The following HAUS2 variants were observed in gnomAD, a reference collection of about 807,000 sequenced individuals.
HAUS2 encodes the protein HAUS augmin-like complex subunit 2.
Under a neutral mutation model 21.6 loss-of-function variants are expected in HAUS2, and 20 were observed. The ratio of observed to expected loss-of-function variants is 0.93; its 90% confidence interval spans 0.65 to 1.35. The LOEUF (loss-of-function observed/expected upper bound fraction) is 1.35. Among genes scored for constraint, HAUS2 ranks in the 40% most tolerant of loss-of-function variants. The pLI, the probability that HAUS2 is intolerant of heterozygous loss-of-function variation, is 0.00. For synonymous variants in HAUS2, 113 were observed against 95.6 expected (o/e 1.18, Z -1.06); for missense variants, 297 against 280.7 (o/e 1.06, Z -0.42).
At position 42,561,390 on chromosome 15, in the gene HAUS2, C is replaced by T; in HGVS notation, c.377C>T (p.Ala126Val). ...TGCCAGGAAAACTTACCTATTGAAG[C>T]TGTTTATCACAGGTTAGACTGAAAA... ...PMCQENLPIEAVYHRYMVHLL... is the reference protein window; with the variant it reads ...PMCQENLPIEVVYHRYMVHLL... Residue 126 changes from alanine to valine, a missense_variant, in exon 4 of 6, where the codon GCT becomes GTT. Physicochemically the swap from Ala to Val is moderately conservative, Grantham distance 64 (BLOSUM62 0). Transcript: ENST00000260372. 3 of 1,604,414 alleles carry T rather than the reference C, an allele frequency of 1.9e-6. No individual in the cohort carries two copies. The highest frequency in any genetic ancestry group is 2.6e-6 in the Non-Finnish European group (3 of 1,171,482).
rs528928495 is a variant in HAUS2 at position 42,569,779 on chromosome 15, A to G, written c.*2963A>G. The G allele has an allele frequency of 1.3e-5, 2 of 152,344 alleles. No individual in the cohort carries two copies. The highest frequency in any genetic ancestry group is 1.9e-4 in the East Asian group (1 of 5,194). The allele number at this position is 152,344 out of a possible 1,614,324, so 9.4% of individuals were successfully genotyped here. ...GTGATCGTAATATCTCGAACATTAC[A>G]TAGACACTTAAAACCTTTAGTTGTA... On this transcript the variant is annotated 3_prime_UTR_variant, in exon 6 of 6. Transcript: ENST00000260372.
rs376981866 is a variant in HAUS2 at position 42,551,240 on chromosome 15, G to A, written c.93+2275G>A. ...TGATCTCAGGTGATCTGCCTGTCTCGGCCTCCCAAAGTACTGGGAGCTGAA... is the reference window on the plus strand; with the variant it reads ...TGATCTCAGGTGATCTGCCTGTCTCAGCCTCCCAAAGTACTGGGAGCTGAA... On this transcript the variant is annotated intron_variant, in intron 1 of 5. Coordinates refer to ENST00000260372, the MANE Select transcript of HAUS2 (RefSeq NM_018097.3). 7.9e-4 allele frequency among the ~76,000 whole-genome samples: 120 copies of A among 151,100 alleles called. 3 individuals carry two copies. In the South Asian group the frequency reaches 0.022, roughly 28 times the overall value.
At chr15:42,555,652 T>C (rs1422378648) in intron 1 of HAUS2, among the ~76,000 whole-genome samples, 1 of 152,218 alleles carries the variant, frequency 6.6e-6, no homozygotes, top group African/African-American at 2.4e-5. Context: ...CTATCTAGAA[T>C]ACCTTTTTCT....
intron 1 of HAUS2, among the ~76,000 whole-genome samples, chr15:42,553,280 A>G (rs777555906): frequency 2.0e-5 from 3 of 151,982 alleles, no homozygotes; most frequent in African/African-American, 4.8e-5. Flanking sequence ...TTTTTATATT[A>G]AGTATAAAGG....
chr15:42,561,346 A>G lies in HAUS2; in HGVS notation c.333A>G (p.Gln111=), dbSNP rs2057851997. 1.9e-6 allele frequency: 3 copies of G among 1,589,864 alleles called. No individual in the cohort carries two copies. Among genetic ancestry groups the G allele is most frequent in the Non-Finnish European group, 2.6e-6 (3 of 1,158,084 alleles). ...TGAAAGAGAAGAGATCCCTTAGGCA[A>G]AGACTGTTGAAACCCATGTGCCAGG... ...AVLKEKRSLR[Q]RLLKPMCQEN... The change falls in exon 4 of 6, where the codon CAA becomes CAG. Residue 111 remains glutamine (Q), a synonymous_variant. Coordinates refer to ENST00000260372, the MANE Select transcript of HAUS2 (RefSeq NM_018097.3).
At chr15:42,550,116 T>C (rs1360126317) in intron 1 of HAUS2, among the ~76,000 whole-genome samples, 1 of 152,068 alleles carries the variant, frequency 6.6e-6, no homozygotes, top group African/African-American at 2.4e-5. Context: ...TCAGCACATA[T>C]TAGCCGGCAT....
chr15:42,552,906 G>C (rs1264217461), intron 1 of HAUS2, among the ~76,000 whole-genome samples: 1 of 151,992 alleles, frequency 6.6e-6, no homozygotes, highest in Non-Finnish European at 1.5e-5. Context: ...GTATGAAAAG[G>C]AAGGGATAGG....
At chr15:42,565,753 G>T (rs1046094815) in intron 5 of HAUS2, among the ~76,000 whole-genome samples, 5 of 152,160 alleles carry the variant, frequency 3.3e-5, no homozygotes, top group Admixed American at 2.6e-4. Flanking sequence ...TCAGATAAAA[G>T]ATTTAAAGCA....
chr15:42,554,631 C>T (rs747720696), intron 1 of HAUS2, among the ~76,000 whole-genome samples: 1 of 150,786 alleles, frequency 6.6e-6, no homozygotes, highest in Admixed American at 6.6e-5. Context: ...GCTGGGATTA[C>T]AGGCATATGT....
In HAUS2 at chr15:42,569,650, A is replaced by G. The variant is rs2057941654; in HGVS notation, c.*2834A>G. The G allele has an allele frequency of 6.6e-6, 1 of 152,196 alleles. No homozygotes were observed. The highest frequency in any genetic ancestry group is 1.5e-5 in the Non-Finnish European group (1 of 68,044). The allele number at this position is 152,196 out of a possible 1,614,324, so 9.4% of individuals were successfully genotyped here. A position where few individuals can be genotyped will look rare whatever the true frequency, so the allele number is the denominator to read the frequency against. ...CAAGAAGACTTCAACAATGATAAGT[A>G]GTTGTTTATAAGGAAGCAGGATCAT... On this transcript the variant is annotated 3_prime_UTR_variant, in exon 6 of 6. Transcript: ENST00000260372.
intron 1 of HAUS2, 131 bp downstream of exon 1, chr15:42,549,096 C>G: frequency 1.7e-6 from 1 of 591,684 alleles, no homozygotes; most frequent in Non-Finnish European, 3.0e-6. Context: ...AATAAGAGCC[C>G]CTTCCAGGCA....
chr15:42,561,381 C>A lies in HAUS2; in HGVS notation c.368C>A (p.Pro123His). 1 of 1,604,634 alleles carries A rather than the reference C, an allele frequency of 6.2e-7. No homozygotes were observed. Among genetic ancestry groups the A allele is most frequent in the Non-Finnish European group, 8.5e-7 (1 of 1,171,604 alleles). The part of the protein sequence containing the change: ...LLKPMCQENL[P>H]IEAVYHRYMV... Reference sequence around the variant, plus strand: ...AAACCCATGTGCCAGGAAAACTTACCTATTGAAGCTGTTTATCACAGGTTA... The same window carrying A: ...AAACCCATGTGCCAGGAAAACTTACATATTGAAGCTGTTTATCACAGGTTA... The change falls in exon 4 of 6, where the codon CCT (proline) becomes CAT (histidine). Residue 123 changes from proline (P) to histidine (H), a missense_variant. Pro to His is a moderately conservative substitution (Grantham distance 77). Transcript: ENST00000260372.
intron 1 of HAUS2, among the ~76,000 whole-genome samples, chr15:42,549,325 G>T (rs1284581239): frequency 6.6e-6 from 1 of 152,100 alleles, no homozygotes; most frequent in Admixed American, 6.6e-5. Flanking sequence ...GTCCCCTTGC[G>T]GAACAAGCAT....
At chr15:42,555,091 G>A (rs957305608) in intron 1 of HAUS2, among the ~76,000 whole-genome samples, 4 of 151,708 alleles carry the variant, frequency 2.6e-5, no homozygotes, top group African/African-American at 9.7e-5. Context: ...CTGGGTTCAA[G>A]CGATTCTCCT....
Position 42,566,931 on chromosome 15 carries a change from A to G in HAUS2, c.*115A>G, listed in dbSNP as rs2057912884. 2 of 595,540 alleles carry G rather than the reference A, an allele frequency of 3.4e-6. No homozygotes were observed. The highest frequency in any genetic ancestry group is 3.0e-6 in the Non-Finnish European group (1 of 335,728). 36.9% of individuals were successfully genotyped at this position (595,540 alleles called of 1,614,324 possible). A position where few individuals can be genotyped will look rare whatever the true frequency, so the allele number is the denominator to read the frequency against. On this transcript the variant is annotated 3_prime_UTR_variant, in exon 6 of 6. Coordinates refer to ENST00000260372, the MANE Select transcript of HAUS2 (RefSeq NM_018097.3). ...TGGTAATACTGAAAGAACCTGCTTT[A>G]TATTGGAGTATCAAGATCTCAGGTT...
intron 1 of HAUS2, among the ~76,000 whole-genome samples, chr15:42,552,265 C>G (rs960024303): frequency 1.3e-5 from 2 of 152,118 alleles, no homozygotes; most frequent in African/African-American, 2.4e-5. Context: ...CTCAAATGAT[C>G]CACCCGCCTC....
Position 42,569,747 on chromosome 15 carries a change from G to A in HAUS2, c.*2931G>A, listed in dbSNP as rs893985027. 6.6e-6 allele frequency: 1 copy of A among 152,162 alleles called. No individual in the cohort carries two copies. Among genetic ancestry groups the A allele is most frequent in the Non-Finnish European group, 1.5e-5 (1 of 68,034 alleles). The allele number at this position is 152,162 out of a possible 1,614,324, so 9.4% of individuals were successfully genotyped here. On this transcript the variant is annotated 3_prime_UTR_variant, in exon 6 of 6. Transcript: ENST00000260372. ...CTAGTTTGCTAATTTTTGCTAGTAG[G>A]ATAAGAGTGATCGTAATATCTCGAA...
Position 42,569,558 on chromosome 15 carries a change from C to T in HAUS2, c.*2742C>T, listed in dbSNP as rs1235047339. The T allele has an allele frequency of 4.6e-5, 7 of 152,216 alleles. No homozygotes were observed. Among genetic ancestry groups the T allele is most frequent in the Admixed American group, 4.6e-4 (7 of 15,262 alleles). The allele number at this position is 152,216 out of a possible 1,614,324, so 9.4% of individuals were successfully genotyped here. ...CTGGGTTCAAACGACCCTCCCGCCT[C>T]AGCCTCCGAAAGTGCTGGGAGTACA... On this transcript the variant is annotated 3_prime_UTR_variant, in exon 6 of 6. Coordinates refer to ENST00000260372, the MANE Select transcript of HAUS2 (RefSeq NM_018097.3).
intron 1 of HAUS2, among the ~76,000 whole-genome samples, chr15:42,552,224 A>G (rs2057732717): frequency 1.3e-5 from 2 of 151,988 alleles, no homozygotes; most frequent in East Asian, 1.9e-4. Flanking sequence ...GGGTTTCACC[A>G]TATTGGTCAG....
Sources: allele counts gnomAD v4.1 joint callset (sites outside exome capture counted in the v4.1 genomes callset), GRCh38; gene constraint gnomAD v4.1.1; transcripts MANE v1.5; gene names NCBI Gene and HGNC (gene_info 2026-07-23, HGNC 2026-07-21).